SLC25A21: variants seen among roughly 807,000 people sequenced by gnomAD.
The protein encoded by SLC25A21 is mitochondrial 2-oxodicarboxylate carrier.
SLC25A21 carries 47 observed loss-of-function variants against 43.8 expected under a neutral mutation model. The ratio of observed to expected loss-of-function variants is 1.07; its 90% CI spans 0.85 to 1.37. SLC25A21 has a LOEUF of 1.37. Among genes scored for constraint, SLC25A21 ranks in the 40% most tolerant of loss-of-function variants. The pLI is 0.00. For synonymous variants in SLC25A21, 131 were observed against 121.3 expected, an observed-to-expected ratio of 1.08 and a Z score of -0.52; for missense variants, 352 against 350.2, an observed-to-expected ratio of 1.00 and a Z score of -0.04.
At chr14:37,112,060 C>T (rs576065707) in intron 1 of SLC25A21, among the ~76,000 whole-genome samples, 12 of 152,234 alleles carry the variant, frequency 7.9e-5, no homozygotes, top group African/African-American at 2.9e-4. Context: ...CTTCATGAAG[C>T]TTATATTCTC....
Position 36,680,658 on chromosome 14 carries a change from T to A in SLC25A21, c.900A>T (p.Ter300CysextTer11). ...YTYSWLQENW[*>C] ...AGGGGGAAAAACACTTCATAGGCAA[T>A]CACCAGTTCTCTTGAAGCCATGAAT... is the stretch of plus-strand genomic sequence containing the variant. The change falls in exon 10 of 10, where the codon TGA becomes TGT. Residue 300 changes from the stop codon to cysteine, a stop_lost. Transcript: ENST00000331299. 6.2e-7 allele frequency: 1 copy of A among 1,612,190 alleles called. No homozygotes were observed. Among genetic ancestry groups the A allele is most frequent in the South Asian group, 1.1e-5 (1 of 90,524 alleles).
At chr14:36,998,239 T>C (rs1046645412) in intron 1 of SLC25A21, among the ~76,000 whole-genome samples, 6 of 152,184 alleles carry the variant, frequency 3.9e-5, no homozygotes, top group African/African-American at 1.2e-4. Flanking sequence ...GTGAGGGATA[T>C]AGAATGTGGT....
At chr14:36,732,325 A>G (rs957202388) in intron 4 of SLC25A21, among the ~76,000 whole-genome samples, 1 of 152,068 alleles carries the variant, frequency 6.6e-6, no homozygotes, top group Non-Finnish European at 1.5e-5. Context: ...AGCATAAGGC[A>G]GTCCTTGAGA....
At chr14:36,997,057 A>G (rs1294230554) in intron 1 of SLC25A21, among the ~76,000 whole-genome samples, 1 of 152,140 alleles carries the variant, frequency 6.6e-6, no homozygotes, top group African/African-American at 2.4e-5. Context: ...CCACAGGACA[A>G]TTTGTTCTTA....
At chr14:36,860,373 C>T (rs2138530359) in intron 2 of SLC25A21, among the ~76,000 whole-genome samples, 1 of 152,274 alleles carries the variant, frequency 6.6e-6, no homozygotes, top group East Asian at 1.9e-4. Context: ...TAGAAGAAGC[C>T]TCCAAGACCA....
chr14:36,773,881 G>A (rs17105301), intron 3 of SLC25A21, among the ~76,000 whole-genome samples: 26,098 of 152,112 alleles, frequency 0.17, 2,711 homozygotes, highest in East Asian at 0.39. Flanking sequence ...AGGGAAAAAC[G>A]GAATTGCAAC....
At chr14:36,881,347 A>ATG (rs10578127) in intron 1 of SLC25A21, among the ~76,000 whole-genome samples, 24 of 151,446 alleles carry the variant, frequency 1.6e-4, no homozygotes, top group Admixed American at 4.6e-4. Flanking sequence ...TAAAATGTAA[A>ATG]TGTGTGTGTG....
chr14:37,116,694 T>G lies in SLC25A21; in HGVS notation c.70+55587A>C, dbSNP rs191915423. Among the ~76,000 whole-genome samples, 556 of 152,288 alleles carry G rather than the reference T, an allele frequency of 3.7e-3. 3 individuals carry two copies. Among genetic ancestry groups the G allele is most frequent in the Non-Finnish European group, 4.0e-3 (272 of 68,010 alleles). On this transcript the variant is annotated intron_variant, in intron 1 of 9. Coordinates refer to ENST00000331299, the MANE Select transcript of SLC25A21 (RefSeq NM_030631.4). ...ACTTATAATAGAAACCAAATATGCT[T>G]GCTGGCTTAGTTAAATCCACAAATT... is the stretch of plus-strand genomic sequence containing the variant.
intron 1 of SLC25A21, among the ~76,000 whole-genome samples, chr14:37,169,208 C>A (rs895323787): frequency 6.6e-6 from 1 of 152,058 alleles, no homozygotes; most frequent in African/African-American, 2.4e-5. Flanking sequence ...TGATGTCTTG[C>A]TTTTGCTGTC....
intron 1 of SLC25A21, among the ~76,000 whole-genome samples, chr14:37,047,870 G>T (rs1039681151): frequency 2.0e-5 from 3 of 152,068 alleles, no homozygotes; most frequent in Non-Finnish European, 4.4e-5. Flanking sequence ...GGCTTATCAG[G>T]GAAAACAACA....
chr14:36,714,200 C>A (rs895409850), intron 6 of SLC25A21, among the ~76,000 whole-genome samples: 6 of 152,146 alleles, frequency 3.9e-5, no homozygotes, highest in African/African-American at 1.4e-4. Flanking sequence ...CAGGTGATTT[C>A]TTTGTTAGTT....
At chr14:36,847,398 A>G (rs1377258485) in intron 2 of SLC25A21, among the ~76,000 whole-genome samples, 2 of 152,190 alleles carry the variant, frequency 1.3e-5, no homozygotes, top group Non-Finnish European at 2.9e-5. Flanking sequence ...TCATTGGTTC[A>G]TTTTTTAGAA....
intron 3 of SLC25A21, among the ~76,000 whole-genome samples, chr14:36,749,063 C>T (rs1594549933): frequency 6.6e-6 from 1 of 152,206 alleles, no homozygotes; most frequent in Non-Finnish European, 1.5e-5. Context: ...GCCAACTGTT[C>T]AAACTGTGTT....
intron 1 of SLC25A21, among the ~76,000 whole-genome samples, chr14:37,156,996 A>G (rs1426171736): frequency 6.6e-6 from 1 of 152,230 alleles, no homozygotes; most frequent in Non-Finnish European, 1.5e-5. Context: ...TCAGCCACAC[A>G]TGGCACATTC....
intron 3 of SLC25A21, among the ~76,000 whole-genome samples, chr14:36,789,540 T>A (rs2764958): frequency 0.16 from 24,499 of 150,580 alleles, 2,221 homozygotes; most frequent in Middle Eastern, 0.25. Context: ...ATTCACTACA[T>A]CCTATGCCTA....
At chr14:36,737,089 A>C (rs565194446) in intron 3 of SLC25A21, among the ~76,000 whole-genome samples, 2 of 152,298 alleles carry the variant, frequency 1.3e-5, no homozygotes, top group African/African-American at 4.8e-5. Flanking sequence ...CTCAAGGCTG[A>C]TCTGTTTCAA....
chr14:37,003,466 G>A (rs1351792424), intron 1 of SLC25A21, among the ~76,000 whole-genome samples: 1 of 152,168 alleles, frequency 6.6e-6, no homozygotes, highest in African/African-American at 2.4e-5. Context: ...GCGGATAAGA[G>A]GGGGGGACTA....
At chr14:36,884,434 A>G (rs1471004774) in intron 1 of SLC25A21, among the ~76,000 whole-genome samples, 1 of 152,170 alleles carries the variant, frequency 6.6e-6, no homozygotes, top group East Asian at 1.9e-4. Context: ...TATGATTAAC[A>G]TGGGAGTGCA....
chr14:37,017,443 C>A (rs1960882154), intron 1 of SLC25A21, among the ~76,000 whole-genome samples: 1 of 151,958 alleles, frequency 6.6e-6, no homozygotes, highest in South Asian at 2.1e-4. Context: ...AAACCAAATA[C>A]AATAGTAACA....
Sources: allele counts gnomAD v4.1 joint callset (sites outside exome capture counted in the v4.1 genomes callset), GRCh38; gene constraint gnomAD v4.1.1; transcripts MANE v1.5; gene names NCBI Gene and HGNC (gene_info 2026-07-23, HGNC 2026-07-21).